Variants in PLEKHS1 observed in about 807,000 individuals in gnomAD.
The protein encoded by PLEKHS1 is pleckstrin homology domain-containing family S member 1.
Under a neutral mutation model 51.0 loss-of-function variants are expected in PLEKHS1, and 55 were observed. The observed-to-expected ratio is 1.08, with a 90% confidence interval of 0.87 to 1.35. The LOEUF (loss-of-function observed/expected upper bound fraction) is 1.35. Ranked by LOEUF, PLEKHS1 falls within the 40% of genes most tolerant of loss-of-function variation. PLEKHS1 has a pLI of 0.00. For synonymous variants in PLEKHS1, 153 were observed against 144.8 expected, an observed-to-expected ratio of 1.06 and a Z score of -0.41; for missense variants, 398 against 423.0, an observed-to-expected ratio of 0.94 and a Z score of 0.52.
rs1286367935 is a variant in PLEKHS1 at position 113,777,279 on chromosome 10, C to T, written c.1091+1413C>T. Reference sequence around the variant, plus strand: ...AAGGAGGTGAGTCGTACTGACCAGCCCTGAACAGGGCAAATCAGTACCAGA... The same window carrying T: ...AAGGAGGTGAGTCGTACTGACCAGCTCTGAACAGGGCAAATCAGTACCAGA... On this transcript the variant is annotated intron_variant, in intron 11 of 11. Coordinates refer to ENST00000361048, the Ensembl canonical transcript of PLEKHS1. The T allele has an allele frequency of 1.2e-6, 2 of 1,612,368 alleles. No individual in the cohort carries two copies. Among genetic ancestry groups the T allele is most frequent in the African/African-American group, 1.3e-5 (1 of 74,928 alleles).
intron 2 of PLEKHS1, among the ~76,000 whole-genome samples, chr10:113,759,480 A>G (rs917916214): frequency 6.6e-6 from 1 of 152,120 alleles, no homozygotes; most frequent in East Asian, 1.9e-4. Flanking sequence ...GTTTTCTCTC[A>G]CTGTAAGTTT....
intron 2 of PLEKHS1, 50 bp downstream of exon 2, chr10:113,755,355 C>T (rs767097546): frequency 1.3e-6 from 2 of 1,586,520 alleles, no homozygotes; most frequent in East Asian, 2.3e-5. Context: ...ATTGAAAATG[C>T]CCCACGGTTT....
chr10:113,758,520 T>A (rs1430799743), intron 2 of PLEKHS1, among the ~76,000 whole-genome samples: 3 of 152,184 alleles, frequency 2.0e-5, no homozygotes, highest in African/African-American at 7.2e-5. Context: ...TCACCCAGGC[T>A]TTGTTGTTGC....
At chr10:113,777,468 AC>A (rs1844725789) in intron 11 of PLEKHS1, 1 of 1,597,114 alleles carries the variant, frequency 6.3e-7, no homozygotes. Context: ...GAGCTAAGAG[AC>A]AGAGCACCTG....
chr10:113,774,476 C>A lies in PLEKHS1; in HGVS notation c.779+143C>A, dbSNP rs115429332. 1,377 of 613,214 alleles carry A rather than the reference C, an allele frequency of 2.2e-3. 19 individuals carry two copies. In the African/African-American group the frequency reaches 0.024, roughly 11 times the overall value. 38.0% of individuals were successfully genotyped at this position (613,214 alleles called of 1,614,324 possible). On this transcript the variant is annotated intron_variant, in intron 9 of 11. Transcript: ENST00000361048. ...TCCACATATTATTCAGTCGTCTCAA[C>A]ACACAAAAAATGAGGGAGTCATGTC...
At chr10:113,769,741 A>C in intron 6 of PLEKHS1, 43 bp from the exon 7 acceptor site, 118 of 1,236,436 alleles carry the variant, frequency 9.5e-5, no homozygotes, top group Non-Finnish European at 1.2e-4. Context: ...CATTCCAGAC[A>C]GAGATCAACT....
At chr10:113,754,050 C>T (rs2009431) in intron 1 of PLEKHS1, among the ~76,000 whole-genome samples, 76,091 of 151,966 alleles carry the variant, frequency 0.5, 19,505 homozygotes, top group Admixed American at 0.58. Context: ...TCAAACAATC[C>T]GCCCACCTCA....
chr10:113,780,763 GA>G (rs1319534570), exon 12 of PLEKHS1: 1 of 1,561,602 alleles, frequency 6.4e-7, no homozygotes, highest in Non-Finnish European at 8.6e-7. Context: ...AGAGCCAGCA[GA>G]AAGGAGCCAG....
chr10:113,758,016 TCAC>T (rs139341700), intron 2 of PLEKHS1, among the ~76,000 whole-genome samples: 1,903 of 152,302 alleles, frequency 0.012, 50 homozygotes, highest in African/African-American at 0.043. Flanking sequence ...CTTGTTATTT[TCAC>T]CACATCTGCA....
rs775547564 is a variant in PLEKHS1 at position 113,770,432 on chromosome 10, T to C, written c.552+532T>C. On this transcript the variant is annotated intron_variant, in intron 7 of 11. Transcript: ENST00000361048. Reference sequence around the variant, plus strand: ...GTACCTGCCTCTTGAAAGCGACTTGTAATTGGACCTTCAGCTTTCTTGGAT... The same window carrying C: ...GTACCTGCCTCTTGAAAGCGACTTGCAATTGGACCTTCAGCTTTCTTGGAT... 5.3e-4 allele frequency among the ~76,000 whole-genome samples: 80 copies of C among 152,246 alleles called. 1 individual carries two copies. The highest frequency in any genetic ancestry group is 2.9e-4 in the Non-Finnish European group (20 of 68,044).
At chr10:113,773,076 G>A (rs899066057) in intron 8 of PLEKHS1, among the ~76,000 whole-genome samples, 3 of 152,186 alleles carry the variant, frequency 2.0e-5, no homozygotes, top group African/African-American at 4.8e-5. Flanking sequence ...AGATGGTGAC[G>A]TATGTTTATA....
chr10:113,769,248 G>A (rs1458871816), intron 6 of PLEKHS1, among the ~76,000 whole-genome samples: 1 of 152,182 alleles, frequency 6.6e-6, no homozygotes. Flanking sequence ...CTATAAAAAT[G>A]TTTTACATGT....
rs1854054694 is a variant in PLEKHS1, at chr10:113,755,244, C to T, written c.-19-15C>T. 4 of 1,602,188 alleles carry T rather than the reference C, an allele frequency of 2.5e-6. No individual in the cohort carries two copies. The African/African-American group carries it at 4.0e-5, about 16-fold the overall frequency. On this transcript the variant is annotated splice_polypyrimidine_tract_variant and intron_variant, in intron 1 of 11. Transcript: ENST00000361048. Reference sequence around the variant, plus strand: ...GTGTTGTTTGGGGACTAACACTAACCCTTCCTTTTGACAGGGGAGGACACA... The same window carrying T: ...GTGTTGTTTGGGGACTAACACTAACTCTTCCTTTTGACAGGGGAGGACACA...
intron 5 of PLEKHS1, among the ~76,000 whole-genome samples, 191 bp downstream of exon 5, chr10:113,767,670 C>T (rs991257527): frequency 6.6e-6 from 1 of 152,176 alleles, no homozygotes; most frequent in African/African-American, 2.4e-5. Flanking sequence ...GCTGCTATAA[C>T]AAAGAACCTC....
rs1033865733 is a variant in PLEKHS1 at position 113,768,806 on chromosome 10, T to C, written c.360-9T>C. On this transcript the variant is annotated splice_polypyrimidine_tract_variant and intron_variant, in intron 5 of 11. Coordinates refer to ENST00000361048, the Ensembl canonical transcript of PLEKHS1. Reference sequence around the variant, plus strand: ...CACATGCCAACTGAAAGTTTATTCCTGTCAACAGGGAGAAGATTAAAGACT... The same window carrying C: ...CACATGCCAACTGAAAGTTTATTCCCGTCAACAGGGAGAAGATTAAAGACT... The C allele has an allele frequency of 1.9e-6, 3 of 1,610,706 alleles. No homozygotes were observed. Among genetic ancestry groups the C allele is most frequent in the African/African-American group, 2.7e-5 (2 of 74,682 alleles).
exon 11 of PLEKHS1, chr10:113,775,777 T>C (rs1844622867): frequency 6.2e-7 from 1 of 1,612,658 alleles, no homozygotes; most frequent in Non-Finnish European, 8.5e-7. Flanking sequence ...ATATCCCCGA[T>C]GAAAGCCAAG....
exon 5 of PLEKHS1, chr10:113,767,395 T>G (rs1844211754): frequency 6.2e-7 from 1 of 1,612,666 alleles, no homozygotes; most frequent in African/African-American, 1.3e-5. Context: ...ATGCAATCTG[T>G]GCAGAAGATG....
At chr10:113,778,739 G>A (rs7092758) in intron 11 of PLEKHS1, among the ~76,000 whole-genome samples, 48,732 of 150,438 alleles carry the variant, frequency 0.32, 8,638 homozygotes, top group South Asian at 0.49. Context: ...CGCCTGCCGG[G>A]TTCACACCAT....
At chr10:113,753,263 G>A (rs975569940) in intron 1 of PLEKHS1, among the ~76,000 whole-genome samples, 1 of 152,124 alleles carries the variant, frequency 6.6e-6, no homozygotes, top group Non-Finnish European at 1.5e-5. Context: ...GAAAGGTGAT[G>A]GGTTGAAAAC....
Sources: allele counts gnomAD v4.1 joint callset (sites outside exome capture counted in the v4.1 genomes callset), GRCh38; gene constraint gnomAD v4.1.1; transcripts MANE v1.5; gene names NCBI Gene and HGNC (gene_info 2026-07-23, HGNC 2026-07-21).